The following CHAF1A variants were observed in gnomAD, a reference collection of about 807,000 sequenced individuals.
The protein encoded by CHAF1A is chromatin assembly factor 1 subunit A.
Under a neutral mutation model 93.2 loss-of-function variants are expected in CHAF1A, and 5 were observed. The observed-to-expected ratio is 0.05, with a 90% CI of 0.03 to 0.11. CHAF1A has a LOEUF of 0.11. Ranked by LOEUF, CHAF1A falls within the 10% of genes least tolerant of loss-of-function variation. The probability of loss-of-function intolerance (pLI) is 1.00; values close to 1 mark genes in which losing one functional copy is unlikely to be tolerated. For synonymous variants in CHAF1A, 504 were observed against 510.3 expected (o/e 0.99, Z 0.17); for missense variants, 1,102 against 1,259.9 (o/e 0.87, Z 1.90).
chr19:4,435,048 C>G (rs1044620726), intron 13 of CHAF1A, among the ~76,000 whole-genome samples: 3 of 150,572 alleles, frequency 2.0e-5, no homozygotes, highest in Non-Finnish European at 4.4e-5. Flanking sequence ...CCTTACCACA[C>G]AGTGTTCGGA....
In CHAF1A at chr19:4,402,649, G is replaced by GCGCGGCGGC. The variant is rs1318072815; in HGVS notation, c.-104_-96dup. 23 of 507,078 alleles carry GCGCGGCGGC rather than the reference G, an allele frequency of 4.5e-5. No individual in the cohort carries two copies. In the Admixed American group the frequency reaches 6.6e-4, roughly 15 times the overall value. 31.4% of individuals were successfully genotyped at this position (507,078 alleles called of 1,614,324 possible). A position where few individuals can be genotyped will look rare whatever the true frequency, so the allele number is the denominator to read the frequency against. On this transcript the variant is annotated 5_prime_UTR_variant, in exon 1 of 15. Coordinates refer to ENST00000301280, the MANE Select transcript of CHAF1A (RefSeq NM_005483.3). ...TCGCCGCGGTTCCCGCCAAATACGA[G>GCGCGGCGGC]CGCGGCGGCCGCGGCGGCAGCAGCG...
downstream of CHAF1A, chr19:4,448,361 T>C (rs1169903793): frequency 9.9e-6 from 16 of 1,610,788 alleles, no homozygotes; most frequent in Non-Finnish European, 1.3e-5. Context: ...TCCTGGTCTT[T>C]GTTGAACGTG....
At chr19:4,446,328 AGTT>A, downstream of CHAF1A, 1 of 1,574,526 alleles carries the variant, frequency 6.4e-7, no homozygotes, top group Non-Finnish European at 8.6e-7. Flanking sequence ...AGCAGCGTGT[AGTT>A]GTACTTGCGC....
rs761967960 is a variant in CHAF1A, at chr19:4,409,560, A to T, written c.761A>T (p.Lys254Met). Reference sequence around the variant, plus strand: ...TTGGCTGTGAGACCACCGCAAATCAAGTCCCTTCCAGCCACACCCCAAGGC... The same window carrying T: ...TTGGCTGTGAGACCACCGCAAATCATGTCCCTTCCAGCCACACCCCAAGGC... ...DILAVRPPQI[K>M]SLPATPQGKN... Residue 254 changes from lysine (K) to methionine (M), a missense_variant, in exon 3 of 15, where the codon AAG becomes ATG. Transcript: ENST00000301280. 1 of 1,614,114 alleles carries T rather than the reference A, an allele frequency of 6.2e-7. No individual in the cohort carries two copies. The highest frequency in any genetic ancestry group is 8.5e-7 in the Non-Finnish European group (1 of 1,180,006).
chr19:4,446,026 T>C (rs1974505198), downstream of CHAF1A: 1 of 1,597,004 alleles, frequency 6.3e-7, no homozygotes, highest in Non-Finnish European at 8.5e-7. Context: ...GGGTCAGCGG[T>C]GCTCCTGCGG....
intron 2 of CHAF1A, among the ~76,000 whole-genome samples, chr19:4,408,400 G>A (rs575617085): frequency 3.2e-4 from 46 of 145,592 alleles, no homozygotes; most frequent in Middle Eastern, 7.2e-3. Context: ...CACCGTGTTA[G>A]CCAGGATGGT....
intron 3 of CHAF1A, among the ~76,000 whole-genome samples, chr19:4,414,612 T>G (rs1487783152): frequency 1.3e-5 from 2 of 152,140 alleles, no homozygotes; most frequent in Non-Finnish European, 2.9e-5. Context: ...GTCTTAGATG[T>G]TTTTTATATT....
intron 12 of CHAF1A, 102 bp from the exon 13 acceptor site, chr19:4,432,968 C>T: frequency 2.0e-6 from 2 of 987,878 alleles, no homozygotes; most frequent in Non-Finnish European, 2.9e-6. Context: ...GGCCATGCCC[C>T]AAGCCTCGGT....
At chr19:4,411,804 C>T (rs965700884) in intron 3 of CHAF1A, among the ~76,000 whole-genome samples, 6 of 151,708 alleles carry the variant, frequency 4.0e-5, no homozygotes, top group African/African-American at 1.2e-4. Flanking sequence ...CCCACCACCA[C>T]GCCTGGCTAA....
downstream of CHAF1A, chr19:4,445,980 G>A (rs745431736): frequency 6.5e-7 from 1 of 1,531,252 alleles, no homozygotes; most frequent in African/African-American, 1.4e-5. Flanking sequence ...TCCTGGGGGT[G>A]TCTGTGCCGG....
At chr19:4,443,491 C>T (rs1190492161), downstream of CHAF1A, 4 of 181,832 alleles carry the variant, frequency 2.2e-5, no homozygotes, top group Non-Finnish European at 4.6e-5. Context: ...TGTCTGGGGC[C>T]AGCCTTGTGC....
At chr19:4,447,257 C>G (rs1974553600), downstream of CHAF1A, 1 of 570,728 alleles carries the variant, frequency 1.8e-6, no homozygotes, top group African/African-American at 1.9e-5. Context: ...ATCTGGTTTG[C>G]ATGAGAAACC....
At chr19:4,413,068 C>G (rs903268134) in intron 3 of CHAF1A, among the ~76,000 whole-genome samples, 4 of 151,952 alleles carry the variant, frequency 2.6e-5, no homozygotes, top group African/African-American at 4.8e-5. Flanking sequence ...GTACCTAACT[C>G]TTTTTTATTT....
rs1333033019 is a variant in CHAF1A at position 4,433,552 on chromosome 19, G to A, written c.2673+13G>A. On this transcript the variant is annotated intron_variant, in intron 13 of 14. Coordinates refer to ENST00000301280, the MANE Select transcript of CHAF1A (RefSeq NM_005483.3). The surrounding 1 kb of genome is among the most constrained non-coding windows in gnomAD (Gnocchi z 5.6). ...GCACGACGGCCAGGTGAGGTGGGGT[G>A]GGCAGGTGGGGGCCTCTGCAGGGCT... 2 of 1,545,346 alleles carry A rather than the reference G, an allele frequency of 1.3e-6. No homozygotes were observed. Among genetic ancestry groups the A allele is most frequent in the Non-Finnish European group, 1.8e-6 (2 of 1,136,308 alleles).
At chr19:4,410,126 C>A (rs1490551919) in intron 3 of CHAF1A, among the ~76,000 whole-genome samples, 4 of 152,176 alleles carry the variant, frequency 2.6e-5, no homozygotes, top group African/African-American at 4.8e-5. Context: ...CTGTGCCCTT[C>A]CTGTCTAAGC....
chr19:4,446,613 C>T, downstream of CHAF1A: 1 of 1,612,684 alleles, frequency 6.2e-7, no homozygotes, highest in Non-Finnish European at 8.5e-7. Context: ...GCCTGTCCAG[C>T]TTGGCGCGCA....
chr19:4,424,590 G>A (rs374884815), intron 7 of CHAF1A, among the ~76,000 whole-genome samples: 14 of 152,108 alleles, frequency 9.2e-5, no homozygotes, highest in African/African-American at 3.1e-4. Context: ...CAGCCTTCCC[G>A]AGTAGCTGGG....
At chr19:4,446,523 C>T (rs753848499), downstream of CHAF1A, 16 of 1,610,928 alleles carry the variant, frequency 9.9e-6, no homozygotes, top group Middle Eastern at 1.6e-4. Flanking sequence ...CCCGCTTGAT[C>T]TCCTCTGCTG....
chr19:4,441,482 C>G (rs1974387523), intron 13 of CHAF1A, among the ~76,000 whole-genome samples: 1 of 150,844 alleles, frequency 6.6e-6, no homozygotes, highest in Non-Finnish European at 1.5e-5. Flanking sequence ...ATGGCATACA[C>G]CTGTAATCCC....
Sources: gnomAD v4.1 joint callset for allele counts (sites outside exome capture counted in the v4.1 genomes callset) on GRCh38, gnomAD v4.1.1 for gene constraint, Gnocchi (gnomAD v3.1) non-coding constraint, MANE v1.5 for transcripts, NCBI Gene and HGNC (gene_info 2026-07-23, HGNC 2026-07-21) for gene names.